Variants in PRKACB observed in about 807,000 individuals in gnomAD.
The protein encoded by PRKACB is protein kinase cAMP-activated catalytic subunit beta, also known as cAMP-dependent protein kinase catalytic subunit beta.
Under a neutral mutation model 51.4 loss-of-function variants are expected in PRKACB, and 16 were observed. The ratio of observed to expected loss-of-function variants is 0.31; its 90% CI spans 0.21 to 0.47. The LOEUF is 0.47. PRKACB is among the 20% of genes least tolerant of loss of function. The pLI is 1.00. For missense variants in PRKACB, 309 were observed against 464.5 expected (o/e 0.67, Z 3.08); for synonymous variants, 147 against 154.4 (o/e 0.95, Z 0.35).
chr1:84,116,151 T>C (rs1298448613), intron 1 of PRKACB, among the ~76,000 whole-genome samples: 1 of 152,046 alleles, frequency 6.6e-6, no homozygotes, highest in Non-Finnish European at 1.5e-5. Context: ...CAAAGATCAA[T>C]TGGCTGTAAA....
chr1:84,099,962 C>T (rs1471365903), intron 1 of PRKACB, among the ~76,000 whole-genome samples: 4 of 152,140 alleles, frequency 2.6e-5, no homozygotes, highest in African/African-American at 9.7e-5. Flanking sequence ...CAAATTCATC[C>T]ACTGGGAGTA....
rs1676563464 is a variant in PRKACB, at chr1:84,235,332, ACACT to A, written c.*30_*33del. The A allele has an allele frequency of 1.9e-6, 3 of 1,613,356 alleles. No homozygotes were observed. In the South Asian group the frequency reaches 3.3e-5, roughly 18 times the overall value. On this transcript the variant is annotated 3_prime_UTR_variant, in exon 10 of 10. Coordinates refer to ENST00000370685, the MANE Select transcript of PRKACB (RefSeq NM_182948.4). ...GAGGAACAAGATGACATCTGAGCTC[ACACT>A]CAGTGTTTGCACTCTGTTGAGAGAT...
chr1:84,233,131 T>G (rs1332627028), intron 9 of PRKACB, among the ~76,000 whole-genome samples: 1 of 152,020 alleles, frequency 6.6e-6, no homozygotes, highest in Non-Finnish European at 1.5e-5. Context: ...TCTCTCAACA[T>G]TTGCTTGTCT....
chr1:84,092,806 G>A (rs1341970430), intron 1 of PRKACB, among the ~76,000 whole-genome samples: 1 of 150,766 alleles, frequency 6.6e-6, no homozygotes, highest in Non-Finnish European at 1.5e-5. Context: ...GTTATAATTT[G>A]TACATCCCTT....
chr1:84,108,544 T>C (rs375764125), intron 1 of PRKACB, among the ~76,000 whole-genome samples: 4 of 152,020 alleles, frequency 2.6e-5, no homozygotes, highest in Non-Finnish European at 5.9e-5. Flanking sequence ...AATAATAATA[T>C]AGTGCTTATT....
At chr1:84,112,887 A>G (rs1650347480) in intron 1 of PRKACB, among the ~76,000 whole-genome samples, 1 of 152,194 alleles carries the variant, frequency 6.6e-6, no homozygotes, top group African/African-American at 2.4e-5. Context: ...ATGTTTTTAC[A>G]TGGGAGAACT....
rs772092967 is a variant in PRKACB at position 84,197,771 on chromosome 1, T to C, written c.730T>C (p.Trp244Arg). The C allele has an allele frequency of 3.1e-6, 5 of 1,612,194 alleles. No individual in the cohort carries two copies. The highest frequency in any genetic ancestry group is 2.2e-5 in the East Asian group (1 of 44,708). The change falls in exon 7 of 10, where the codon TGG becomes CGG. Residue 244 changes from tryptophan (W) to arginine (R), a missense_variant. Transcript: ENST00000370685. ...GFAKRVKGRT[W>R]TLCGTPEYLA... ...TGCCAAAAGAGTTAAAGGCAGAACT[T>C]GGACATTATGTGGAACTCCAGAGTA...
intron 7 of PRKACB, among the ~76,000 whole-genome samples, chr1:84,201,480 A>C (rs1461705120): frequency 6.6e-6 from 1 of 152,138 alleles, no homozygotes; most frequent in Non-Finnish European, 1.5e-5. Context: ...CAATTTAAAC[A>C]TATGAATCAA....
intron 2 of PRKACB, among the ~76,000 whole-genome samples, chr1:84,181,507 A>G (rs1663461399): frequency 6.6e-6 from 1 of 152,000 alleles, no homozygotes; most frequent in Non-Finnish European, 1.5e-5. Flanking sequence ...TTATAACAAA[A>G]CATCTATTCA....
intron 1 of PRKACB, among the ~76,000 whole-genome samples, chr1:84,154,643 C>CCA (rs1236840117): frequency 6.6e-6 from 1 of 152,072 alleles, no homozygotes; most frequent in Non-Finnish European, 1.5e-5. Context: ...CCCTGATGAA[C>CCA]ATAGATGCAA....
intron 1 of PRKACB, among the ~76,000 whole-genome samples, chr1:84,138,132 T>C (rs1046998242): frequency 3.9e-5 from 6 of 152,124 alleles, no homozygotes; most frequent in African/African-American, 1.4e-4. Context: ...AATGGATGAT[T>C]CTAAAAGGGC....
At position 84,202,774 on chromosome 1, in the gene PRKACB, T is replaced by A. The variant is rs1480419865; in HGVS notation, c.875T>A (p.Ile292Asn). ...CCCCCATTCTTTGCAGACCAACCAA[T>A]TCAGATTTATGAAAAGATTGTTTCT... ...GYPPFFADQP[I>N]QIYEKIVSGK... Residue 292 changes from isoleucine to asparagine, a missense_variant, in exon 8 of 10, where the codon ATT (isoleucine) becomes AAT (asparagine). Ile to Asn is a moderately radical substitution (Grantham distance 149, BLOSUM62 -3). Transcript: ENST00000370685. The A allele has an allele frequency of 6.2e-7, 1 of 1,607,782 alleles. No individual in the cohort carries two copies.
In PRKACB at chr1:84,119,006, C is replaced by A. The variant is rs146211499; in HGVS notation, c.46+40635C>A. Among the ~76,000 whole-genome samples the A allele has an allele frequency of 3.1e-3, 478 of 152,222 alleles. 5 individuals are homozygous for A. The highest frequency in any genetic ancestry group is 0.011 in the African/African-American group (457 of 41,552). The stretch of plus-strand genomic sequence containing the variant: ...GAAAGGAAATAATTTTTTAAGGTAA[C>A]TTCAAAGTTCAAGTGGTGAAACAGC... On this transcript the variant is annotated intron_variant, in intron 1 of 8. Coordinates refer to the PRKACB transcript ENST00000370688.
chr1:84,233,619 A>G (rs1490515438), intron 9 of PRKACB, among the ~76,000 whole-genome samples: 2 of 119,688 alleles, frequency 1.7e-5, no homozygotes, highest in Non-Finnish European at 3.4e-5. Flanking sequence ...GTTTCTTTTT[A>G]TTCTTTTTTC....
chr1:84,125,992 G>A (rs1651557282), intron 1 of PRKACB, among the ~76,000 whole-genome samples: 1 of 151,436 alleles, frequency 6.6e-6, no homozygotes, highest in Non-Finnish European at 1.5e-5. Flanking sequence ...CGGGGAGCAT[G>A]CAGGTGAGTG....
At position 84,144,472 on chromosome 1, in the gene PRKACB, T is replaced by G; in HGVS notation, c.111T>G (p.Thr37=). The part of the protein sequence containing the change: ...SRLFHRHSKG[T]AHDQKTALEN... ...TATTTCATAGACACTCTAAAGGTAC[T>G]GCACATGATCAGAAAACAGCTCTGG... The change falls in exon 1 of 10, where the codon ACT becomes ACG. Residue 37 remains threonine, a synonymous_variant. Transcript: ENST00000370685. 1 of 1,612,676 alleles carries G rather than the reference T, an allele frequency of 6.2e-7. No individual in the cohort carries two copies. The highest frequency in any genetic ancestry group is 8.5e-7 in the Non-Finnish European group (1 of 1,179,438).
chr1:84,136,126 G>A (rs1378487910), intron 1 of PRKACB, among the ~76,000 whole-genome samples: 1 of 151,908 alleles, frequency 6.6e-6, no homozygotes, highest in Non-Finnish European at 1.5e-5. Context: ...AAAACTTTAT[G>A]CCCCAAAATT....
upstream of PRKACB, among the ~76,000 whole-genome samples, chr1:84,139,681 A>G (rs933714769): frequency 5.9e-5 from 9 of 152,216 alleles, no homozygotes; most frequent in African/African-American, 2.2e-4. Flanking sequence ...TCCCAGCAAG[A>G]TTATATTTGT....
intron 1 of PRKACB, among the ~76,000 whole-genome samples, chr1:84,085,181 C>T (rs768353544): frequency 6.6e-5 from 10 of 152,050 alleles, no homozygotes; most frequent in African/African-American, 1.5e-4. Flanking sequence ...CTAAGCTATT[C>T]GGTTTTGTAG....
Sources: gnomAD v4.1 joint callset for allele counts (sites outside exome capture counted in the v4.1 genomes callset) on GRCh38, gnomAD v4.1.1 for gene constraint, MANE v1.5 for transcripts, NCBI Gene and HGNC (gene_info 2026-07-23, HGNC 2026-07-21) for gene names.